OPCML: variants seen among roughly 807,000 people sequenced by gnomAD.
OPCML encodes opioid-binding protein/cell adhesion molecule.
In OPCML, 13 loss-of-function variants were observed where a neutral mutation model predicts 37.8. The ratio of observed to expected loss-of-function variants is 0.34; its 90% CI spans 0.22 to 0.55. The LOEUF is 0.55. Ranked by LOEUF, OPCML falls within the 20% of genes least tolerant of loss-of-function variation. The pLI is 0.91. For missense variants in OPCML, 341 were observed against 435.6 expected, an observed-to-expected ratio of 0.78 and a Z score of 1.93; for synonymous variants, 176 against 168.8, an observed-to-expected ratio of 1.04 and a Z score of -0.33.
chr11:133,208,301 C>T lies in OPCML; in HGVS notation c.62-265291G>A, dbSNP rs754302685. Among the ~76,000 whole-genome samples, 4 of 152,090 alleles carry T rather than the reference C, an allele frequency of 2.6e-5. No homozygotes were observed. Among genetic ancestry groups the T allele is most frequent in the Admixed American group, 6.5e-5 (1 of 15,276 alleles). ...ATAAATACCAGTGAGTGAATGAATG[C>T]GGGACAGAAGCCTACACTACCGTGT... is the stretch of plus-strand genomic sequence containing the variant. On this transcript the variant is annotated intron_variant, in intron 1 of 7. Transcript: ENST00000524381. The surrounding 1 kb of genome is among the most constrained non-coding windows in gnomAD (Gnocchi z 8.9).
intron 1 of OPCML, among the ~76,000 whole-genome samples, chr11:133,038,060 G>A (rs894661080): frequency 3.3e-5 from 5 of 152,222 alleles, no homozygotes; most frequent in Non-Finnish European, 5.9e-5. Flanking sequence ...GGATTTTAGA[G>A]ACCTTTCCAC....
At chr11:132,785,983 C>T (rs375122847) in intron 2 of OPCML, among the ~76,000 whole-genome samples, 7 of 152,266 alleles carry the variant, frequency 4.6e-5, no homozygotes, top group Admixed American at 2.0e-4. Flanking sequence ...CTGGGTTTTG[C>T]GGGCAGCCTG....
chr11:132,622,349 A>C (rs914100460), intron 3 of OPCML, among the ~76,000 whole-genome samples: 1 of 152,200 alleles, frequency 6.6e-6, no homozygotes, highest in African/African-American at 2.4e-5. Context: ...AAGAGCAAAC[A>C]TGAAAAGAGG....
chr11:132,809,896 C>T (rs1939230960), intron 2 of OPCML, among the ~76,000 whole-genome samples: 1 of 152,156 alleles, frequency 6.6e-6, no homozygotes, highest in South Asian at 2.1e-4. Flanking sequence ...TGTCGCCAGG[C>T]TGGAGTGCAG....
chr11:133,433,966 T>C (rs1243103200), intron 1 of OPCML, among the ~76,000 whole-genome samples: 3 of 152,240 alleles, frequency 2.0e-5, no homozygotes, highest in African/African-American at 4.8e-5. Context: ...TATTGTTTTG[T>C]TGCTTTGTGC....
rs552706934 is a variant in OPCML, at chr11:133,263,358, T to G, written c.61+268906A>C. Among the ~76,000 whole-genome samples, 7 of 152,276 alleles carry G rather than the reference T, an allele frequency of 4.6e-5. No individual in the cohort carries two copies. In the South Asian group the frequency reaches 1.0e-3, roughly 23 times the overall value. On this transcript the variant is annotated intron_variant, in intron 1 of 7. Transcript: ENST00000524381. ...ATACTGTATTTTTACCTTTCCTATGTTTAGATACACAAATGCTTACCATTG... is the reference window on the plus strand; with the variant it reads ...ATACTGTATTTTTACCTTTCCTATGGTTAGATACACAAATGCTTACCATTG...
intron 1 of OPCML, among the ~76,000 whole-genome samples, chr11:133,439,659 G>A (rs936391224): frequency 6.6e-6 from 1 of 151,476 alleles, no homozygotes; most frequent in East Asian, 2.0e-4. Flanking sequence ...AGTAGAGACG[G>A]GGTTTCACCG....
At chr11:132,617,624 G>A (rs1283076020) in intron 3 of OPCML, among the ~76,000 whole-genome samples, 3 of 152,214 alleles carry the variant, frequency 2.0e-5, no homozygotes, top group African/African-American at 7.2e-5. Context: ...TGAGTGCCTT[G>A]AACAACAGAA....
At chr11:132,628,062 G>A (rs549238832) in intron 3 of OPCML, among the ~76,000 whole-genome samples, 3 of 152,290 alleles carry the variant, frequency 2.0e-5, no homozygotes, top group African/African-American at 7.2e-5. Flanking sequence ...AGATTTGCAA[G>A]CAGGTAAGAA....
chr11:133,078,909 C>G (rs1263561088), intron 1 of OPCML, among the ~76,000 whole-genome samples: 1 of 152,106 alleles, frequency 6.6e-6, no homozygotes, highest in Non-Finnish European at 1.5e-5. Context: ...TACAAAGCAC[C>G]CACCTACTAG....
chr11:132,713,755 A>T (rs1057256908), intron 2 of OPCML, among the ~76,000 whole-genome samples: 1 of 152,184 alleles, frequency 6.6e-6, no homozygotes, highest in Admixed American at 6.5e-5. Context: ...CAGGAAAAAG[A>T]GTTATCCAGG....
At chr11:132,603,429 A>G (rs984312928) in intron 3 of OPCML, among the ~76,000 whole-genome samples, 2 of 152,146 alleles carry the variant, frequency 1.3e-5, no homozygotes, top group Admixed American at 6.5e-5. Flanking sequence ...AAGCAATTTC[A>G]TCTCCAAAAG....
chr11:133,142,312 CCTGA>C (rs1445328137), intron 1 of OPCML, among the ~76,000 whole-genome samples: 1 of 152,298 alleles, frequency 6.6e-6, no homozygotes, highest in African/African-American at 2.4e-5. Flanking sequence ...TCCCCAGTGG[CCTGA>C]CTGTCTTTAT....
At chr11:132,953,134 G>A (rs61909278) in intron 1 of OPCML, among the ~76,000 whole-genome samples, 5,214 of 152,188 alleles carry the variant, frequency 0.034, 119 homozygotes, top group Middle Eastern at 0.061. Flanking sequence ...TGTATTGCAT[G>A]CATGTAACTT....
intron 1 of OPCML, among the ~76,000 whole-genome samples, chr11:133,245,274 A>G (rs118085189): frequency 6.6e-6 from 1 of 152,376 alleles, no homozygotes; most frequent in East Asian, 1.9e-4. Flanking sequence ...ATTCAAAATT[A>G]TCTGAATTAG....
chr11:133,387,857 C>T (rs1224385263), intron 1 of OPCML, among the ~76,000 whole-genome samples: 1 of 152,176 alleles, frequency 6.6e-6, no homozygotes, highest in Non-Finnish European at 1.5e-5. Context: ...AGGGGCAGAC[C>T]TGCCTCTCAA....
chr11:133,372,330 CAT>C (rs1294897298), intron 1 of OPCML, among the ~76,000 whole-genome samples: 1 of 152,130 alleles, frequency 6.6e-6, no homozygotes, highest in African/African-American at 2.4e-5. Flanking sequence ...AAAAAGTCAC[CAT>C]GTGTGTTCTT....
At chr11:132,754,664 G>T (rs1193440647) in intron 2 of OPCML, among the ~76,000 whole-genome samples, 1 of 152,102 alleles carries the variant, frequency 6.6e-6, no homozygotes, top group Non-Finnish European at 1.5e-5. Context: ...GAGGATAAGG[G>T]GTGATAGGGG....
chr11:133,018,075 G>T (rs923359356), intron 1 of OPCML, among the ~76,000 whole-genome samples: 34 of 152,332 alleles, frequency 2.2e-4, no homozygotes, highest in African/African-American at 8.2e-4. Flanking sequence ...CTTCTCAAGG[G>T]TGGGGATCTC....
Sources: allele counts gnomAD v4.1 joint callset (sites outside exome capture counted in the v4.1 genomes callset), GRCh38; gene constraint gnomAD v4.1.1; non-coding constraint Gnocchi (gnomAD v3.1); transcripts MANE v1.5; gene names NCBI Gene and HGNC (gene_info 2026-07-23, HGNC 2026-07-21).